The following TCEA3 variants were observed in gnomAD, a reference collection of about 807,000 sequenced individuals.
TCEA3 encodes transcription elongation factor A protein 3.
Under a neutral mutation model 44.0 loss-of-function variants are expected in TCEA3, and 36 were observed. The observed-to-expected ratio is 0.82, with a 90% confidence interval of 0.63 to 1.08. The LOEUF (loss-of-function observed/expected upper bound fraction) is 1.08. Ranked by LOEUF, TCEA3 falls within the 50% of genes least tolerant of loss-of-function variation. The pLI, the probability that TCEA3 is intolerant of heterozygous loss-of-function variation, is 0.00. For missense variants in TCEA3, 392 were observed against 441.2 expected, an observed-to-expected ratio of 0.89 and a Z score of 1.00; for synonymous variants, 162 against 159.7, an observed-to-expected ratio of 1.01 and a Z score of -0.11.
At chr1:23,407,342 G>C (rs927069615) in intron 5 of TCEA3, among the ~76,000 whole-genome samples, 2 of 152,114 alleles carry the variant, frequency 1.3e-5, no homozygotes, top group Admixed American at 6.5e-5. Flanking sequence ...TGGTGTTGCT[G>C]TTCCTTCATT....
Position 23,418,196 on chromosome 1 carries a change from GC to G in TCEA3, c.133-188del, listed in dbSNP as rs1639949813. On this transcript the variant is annotated intron_variant, in intron 2 of 10. Coordinates refer to ENST00000450454, the MANE Select transcript of TCEA3 (RefSeq NM_003196.3). ...TAACTAAGGCCCTGCTCTGCACGAG[GC>G]CGAGGGCCCAGGGCTAAGCCTGACA... The G allele has an allele frequency of 5.0e-6, 3 of 600,242 alleles. No homozygotes were observed. The East Asian group carries it at 8.4e-5, about 17-fold the overall frequency. The allele number at this position is 600,242 out of a possible 1,614,324, so 37.2% of individuals were successfully genotyped here.
intron 9 of TCEA3, among the ~76,000 whole-genome samples, chr1:23,384,735 C>G (rs1164955809): frequency 6.9e-6 from 1 of 145,106 alleles, no homozygotes; most frequent in Admixed American, 7.0e-5. Flanking sequence ...GGTGCCATCT[C>G]GGCTCACTGC....
intron 5 of TCEA3, among the ~76,000 whole-genome samples, chr1:23,400,984 A>C (rs1003716956): frequency 6.6e-6 from 1 of 152,168 alleles, no homozygotes; most frequent in Non-Finnish European, 1.5e-5. Flanking sequence ...ACTTCTGACA[A>C]AGTCTCTCAG....
At chr1:23,386,132 G>C (rs12126283) in intron 9 of TCEA3, among the ~76,000 whole-genome samples, 1 of 152,186 alleles carries the variant, frequency 6.6e-6, no homozygotes, top group Non-Finnish European at 1.5e-5. Flanking sequence ...GAGGAACATT[G>C]TCTAGAAGCC....
chr1:23,411,107 C>A, intron 4 of TCEA3: 1 of 193,126 alleles, frequency 5.2e-6, no homozygotes, highest in East Asian at 1.5e-4. Context: ...TCTAGCCAGG[C>A]CCTGGAGATG....
At chr1:23,415,598 T>A (rs1478279637) in intron 4 of TCEA3, among the ~76,000 whole-genome samples, 3 of 152,180 alleles carry the variant, frequency 2.0e-5, no homozygotes, top group African/African-American at 7.2e-5. Flanking sequence ...CAGGAGGTAA[T>A]CCACAGGGCA....
intron 10 of TCEA3, among the ~76,000 whole-genome samples, chr1:23,382,927 T>TA (rs1242088596): frequency 6.6e-6 from 1 of 152,174 alleles, no homozygotes; most frequent in East Asian, 1.9e-4. Flanking sequence ...GTTTTTACCT[T>TA]AAAAAATATG....
At chr1:23,408,825 TGAGGC>T in intron 4 of TCEA3, 99 bp from the exon 5 acceptor site, 1 of 1,258,830 alleles carries the variant, frequency 7.9e-7, no homozygotes, top group Non-Finnish European at 1.1e-6. Context: ...CCAGCTGGCT[TGAGGC>T]TAAGGAAGCC....
At chr1:23,385,187 A>C (rs1266630071) in intron 9 of TCEA3, among the ~76,000 whole-genome samples, 3 of 152,142 alleles carry the variant, frequency 2.0e-5, no homozygotes, top group Admixed American at 1.3e-4. Context: ...TGGTTTTCTA[A>C]GGCTGTCCTT....
intron 1 of TCEA3, among the ~76,000 whole-genome samples, chr1:23,419,563 A>T (rs1181645000): frequency 6.6e-6 from 1 of 152,174 alleles, no homozygotes; most frequent in East Asian, 1.9e-4. Flanking sequence ...TTTGGCCAGC[A>T]TGGTGGCTCA....
chr1:23,388,906 C>T (rs1638935301), intron 8 of TCEA3, among the ~76,000 whole-genome samples: 1 of 152,094 alleles, frequency 6.6e-6, no homozygotes, highest in South Asian at 2.1e-4. Flanking sequence ...CTAGGCTGGT[C>T]TCCTGAGCTC....
intron 1 of TCEA3, among the ~76,000 whole-genome samples, chr1:23,424,256 C>G (rs1640152342): frequency 6.6e-6 from 1 of 150,808 alleles, no homozygotes; most frequent in Non-Finnish European, 1.5e-5. Flanking sequence ...CAGCTCTCTT[C>G]GCCCGCTTTC....
At chr1:23,383,150 G>A (rs530097864) in intron 10 of TCEA3, among the ~76,000 whole-genome samples, 11 of 152,052 alleles carry the variant, frequency 7.2e-5, no homozygotes, top group Middle Eastern at 3.4e-3. Flanking sequence ...TGTGGTGGCC[G>A]GCGCCTTTAG....
At chr1:23,399,646 T>C (rs75997058) in intron 5 of TCEA3, among the ~76,000 whole-genome samples, 3,843 of 152,094 alleles carry the variant, frequency 0.025, 150 homozygotes, top group African/African-American at 0.088. Flanking sequence ...ACAGAATTTA[T>C]CTACTTTTGC....
chr1:23,410,475 A>G (rs930455342), intron 4 of TCEA3, among the ~76,000 whole-genome samples: 1 of 152,126 alleles, frequency 6.6e-6, no homozygotes, highest in African/African-American at 2.4e-5. Context: ...CTAGAGCTAG[A>G]GCATCAGGAA....
chr1:23,415,858 A>G (rs1001161798), intron 4 of TCEA3, among the ~76,000 whole-genome samples: 1 of 152,264 alleles, frequency 6.6e-6, no homozygotes, highest in Non-Finnish European at 1.5e-5. Context: ...TACCTTTTAA[A>G]AAGCAGGCTA....
Position 23,384,391 on chromosome 1 carries a change from G to A in TCEA3, c.993C>T (p.Pro331=). The A allele has an allele frequency of 6.2e-7, 1 of 1,613,782 alleles. No individual in the cohort carries two copies. The highest frequency in any genetic ancestry group is 8.5e-7 in the Non-Finnish European group (1 of 1,179,804). The change falls in exon 10 of 11, where the codon CCC becomes CCT. Residue 331 remains proline (P), a synonymous_variant. Transcript: ENST00000450454. ...CATTGCATAAGACAAAGGTAGTCAT[G>A]GGCTCATCAGCACTGCGTGTCTGCA... ...NQVQTRSADE[P]MTTFVLCNEC...
At chr1:23,402,768 C>T (rs78510002) in intron 5 of TCEA3, among the ~76,000 whole-genome samples, 5 of 152,170 alleles carry the variant, frequency 3.3e-5, no homozygotes, top group Non-Finnish European at 7.3e-5. Context: ...GACCCTGTCA[C>T]GGGTTCACCA....
chr1:23,392,408 TCATGCACAATAC>T (rs766963542), intron 8 of TCEA3, among the ~76,000 whole-genome samples: 1 of 5,104 alleles, frequency 2.0e-4, no homozygotes, highest in Non-Finnish European at 3.4e-4. Context: ...CCACACATCA[TCATGCACAATAC>T]ACACACACTC....
Sources: gnomAD v4.1 joint callset for allele counts (sites outside exome capture counted in the v4.1 genomes callset) on GRCh38, gnomAD v4.1.1 for gene constraint, MANE v1.5 for transcripts, NCBI Gene and HGNC (gene_info 2026-07-23, HGNC 2026-07-21) for gene names.